PRKN: variants seen among roughly 807,000 people sequenced by gnomAD.
PRKN encodes the protein parkin RBR E3 ubiquitin protein ligase, also known as E3 ubiquitin-protein ligase parkin.
Under a neutral mutation model 59.5 loss-of-function variants are expected in PRKN, and 56 were observed. That is an observed-to-expected ratio of 0.94 (90% CI 0.76 to 1.18). The LOEUF is 1.18. Ranked by LOEUF, PRKN falls within the 50% of genes most tolerant of loss-of-function variation. The probability of loss-of-function intolerance (pLI) is 0.00; values close to 1 mark genes in which losing one functional copy is unlikely to be tolerated. For synonymous variants in PRKN, 250 were observed against 222.1 expected (o/e 1.13, Z -1.12); for missense variants, 657 against 596.4 (o/e 1.10, Z -1.06).
rs959406153 is a variant in PRKN at position 161,467,907 on chromosome 6, T to A, written c.1083+80947A>T. Among the ~76,000 whole-genome samples the A allele has an allele frequency of 1.3e-5, 2 of 149,164 alleles. No individual in the cohort carries two copies. Among genetic ancestry groups the A allele is most frequent in the African/African-American group, 4.9e-5 (2 of 40,698 alleles). ...TGTCCGTCAGTTGCATACTTCCAGC[T>A]TTTTTTTTTCATGTGAGAAAGAGTA... is the stretch of plus-strand genomic sequence containing the variant. On this transcript the variant is annotated intron_variant, in intron 9 of 11. Transcript: ENST00000366898. This position sits in a 1 kb window ranked among gnomAD's most constrained non-coding sequence, Gnocchi z 4.3.
At chr6:162,045,167 C>T (rs922361827) in intron 5 of PRKN, among the ~76,000 whole-genome samples, 2 of 152,210 alleles carry the variant, frequency 1.3e-5, no homozygotes, top group Non-Finnish European at 2.9e-5. Context: ...TAGATTCCTA[C>T]ATCCTGAAAG....
At chr6:162,661,832 T>C (rs1247700871) in intron 1 of PRKN, among the ~76,000 whole-genome samples, 1 of 152,228 alleles carries the variant, frequency 6.6e-6, no homozygotes, top group African/African-American at 2.4e-5. Context: ...TTAAATTGTT[T>C]ATTAAAATAT....
chr6:162,227,421 A>G (rs1312213849), intron 3 of PRKN, among the ~76,000 whole-genome samples: 1 of 152,152 alleles, frequency 6.6e-6, no homozygotes, highest in Non-Finnish European at 1.5e-5. Flanking sequence ...ATCCATTAGA[A>G]CACAGTTCCT....
chr6:162,294,127 G>A lies in PRKN; in HGVS notation c.172-31362C>T, dbSNP rs139673997. On this transcript the variant is annotated intron_variant, in intron 2 of 11. Transcript: ENST00000366898. ...AATAGAGAGGCATCATTGGGAGGCA[G>A]GAGAGATGCAGAAAAGAGGTTTCCA... Among the ~76,000 whole-genome samples the A allele has an allele frequency of 2.0e-4, 31 of 152,168 alleles. No individual in the cohort carries two copies. In the East Asian group the frequency reaches 4.5e-3, roughly 22 times the overall value.
chr6:161,445,170 C>G lies in PRKN; in HGVS notation c.1084-58293G>C, dbSNP rs1789427156. Reference sequence around the variant, plus strand: ...AAGCCGCGGCGCTGACACAGCTCCCCCTGCACGAGTGTACAGCAGTCAGAC... The same window carrying G: ...AAGCCGCGGCGCTGACACAGCTCCCGCTGCACGAGTGTACAGCAGTCAGAC... On this transcript the variant is annotated intron_variant, in intron 9 of 11. Coordinates refer to ENST00000366898, the MANE Select transcript of PRKN (RefSeq NM_004562.3). The surrounding 1 kb of genome is among the most constrained non-coding windows in gnomAD (Gnocchi z 7.7). Among the ~76,000 whole-genome samples, 1 of 152,110 alleles carries G rather than the reference C, an allele frequency of 6.6e-6. No homozygotes were observed. Among genetic ancestry groups the G allele is most frequent in the Admixed American group, 6.5e-5 (1 of 15,272 alleles).
intron 1 of PRKN, among the ~76,000 whole-genome samples, chr6:162,593,730 A>T (rs535412312): frequency 6.6e-6 from 1 of 152,380 alleles, no homozygotes; most frequent in South Asian, 2.1e-4. Context: ...AAGGAGAGTC[A>T]GGATAGGGCA....
At chr6:161,661,822 A>G (rs537011904) in intron 7 of PRKN, among the ~76,000 whole-genome samples, 7 of 152,276 alleles carry the variant, frequency 4.6e-5, no homozygotes, top group African/African-American at 1.7e-4. Flanking sequence ...CAGGAGTTTA[A>G]GACCAGCCTG....
At chr6:162,362,413 T>C (rs1425036934) in intron 2 of PRKN, among the ~76,000 whole-genome samples, 2 of 152,132 alleles carry the variant, frequency 1.3e-5, no homozygotes, top group East Asian at 1.9e-4. Context: ...AAAAAAGTAA[T>C]AGTAATGCAC....
intron 7 of PRKN, among the ~76,000 whole-genome samples, chr6:161,629,616 C>T (rs1245420295): frequency 6.6e-6 from 1 of 152,182 alleles, no homozygotes; most frequent in African/African-American, 2.4e-5. Flanking sequence ...TTGCCCTTCC[C>T]AGGCTGGCCC....
At chr6:162,556,342 G>GGGGTGTGTGTGTGT (rs1175202893) in intron 1 of PRKN, among the ~76,000 whole-genome samples, 1,549 of 57,166 alleles carry the variant, frequency 0.027, 123 homozygotes, top group Non-Finnish European at 0.035. Flanking sequence ...CTACTCAGCT[G>GGGGTGTGTGTGTGT]GTGTGTGTGT....
intron 1 of PRKN, among the ~76,000 whole-genome samples, chr6:162,609,911 T>TA (rs1247718993): frequency 1.3e-5 from 2 of 152,130 alleles, no homozygotes; most frequent in Non-Finnish European, 2.9e-5. Flanking sequence ...AGACATTAAG[T>TA]AAAAAACAAC....
chr6:162,244,969 T>G (rs1296330036), intron 3 of PRKN, among the ~76,000 whole-genome samples: 2 of 152,112 alleles, frequency 1.3e-5, no homozygotes, highest in Non-Finnish European at 2.9e-5. Context: ...CACAAACTGT[T>G]AGAAGAAAGG....
At chr6:162,481,284 A>G (rs1312658784) in intron 1 of PRKN, among the ~76,000 whole-genome samples, 3 of 152,210 alleles carry the variant, frequency 2.0e-5, no homozygotes, top group Non-Finnish European at 4.4e-5. Flanking sequence ...ACGAGACCAC[A>G]AATTCTTATC....
chr6:161,539,037 A>G (rs1306736154), intron 9 of PRKN, among the ~76,000 whole-genome samples: 4 of 152,170 alleles, frequency 2.6e-5, no homozygotes, highest in African/African-American at 7.2e-5. Flanking sequence ...TGTTCTTGGC[A>G]TGTGCTAGAC....
chr6:161,873,130 T>G (rs9458402), intron 6 of PRKN, among the ~76,000 whole-genome samples: 1 of 151,194 alleles, frequency 6.6e-6, no homozygotes, highest in South Asian at 2.1e-4. Context: ...AATGAATCTG[T>G]GCTGAGTCCC....
intron 5 of PRKN, among the ~76,000 whole-genome samples, chr6:162,019,919 T>C (rs1783069862): frequency 6.6e-6 from 1 of 151,822 alleles, no homozygotes; most frequent in South Asian, 2.1e-4. Context: ...CTCAGGAGGC[T>C]GGGGCAGGAG....
At chr6:162,457,932 C>T (rs1790959277) in intron 1 of PRKN, among the ~76,000 whole-genome samples, 1 of 151,718 alleles carries the variant, frequency 6.6e-6, no homozygotes, top group Non-Finnish European at 1.5e-5. Flanking sequence ...CCAGTCTGGC[C>T]AACATGACAA....
intron 4 of PRKN, 120 bp from the exon 5 acceptor site, chr6:162,054,294 C>CA: frequency 3.9e-6 from 3 of 763,912 alleles, no homozygotes; most frequent in Non-Finnish European, 6.9e-6. Flanking sequence ...CAATGATTTT[C>CA]AAAGTGTGGT....
At chr6:162,543,616 AGAG>A (rs796422900) in intron 1 of PRKN, among the ~76,000 whole-genome samples, 2 of 152,138 alleles carry the variant, frequency 1.3e-5, no homozygotes, top group African/African-American at 4.8e-5. Context: ...CTTATTAAGT[AGAG>A]GAGGAGAGAG....
Sources: gnomAD v4.1 joint callset for allele counts (sites outside exome capture counted in the v4.1 genomes callset) on GRCh38, gnomAD v4.1.1 for gene constraint, Gnocchi (gnomAD v3.1) non-coding constraint, MANE v1.5 for transcripts, NCBI Gene and HGNC (gene_info 2026-07-23, HGNC 2026-07-21) for gene names.